Variants in FRMPD1 observed in about 807,000 individuals in gnomAD.
FRMPD1 encodes the protein FERM and PDZ domain-containing protein 1.
A neutral mutation model predicts 117.8 loss-of-function variants in FRMPD1; 76 were observed. The observed-to-expected ratio is 0.65, with a 90% CI of 0.54 to 0.78. The LOEUF is 0.78. Ranked by LOEUF, FRMPD1 falls within the 30% of genes least tolerant of loss-of-function variation. The pLI is 0.00. For synonymous variants in FRMPD1, 783 were observed against 770.4 expected, an observed-to-expected ratio of 1.02 and a Z score of -0.27; for missense variants, 1,786 against 1,964.5, an observed-to-expected ratio of 0.91 and a Z score of 1.72.
At chr9:37,616,920 T>C in the FRMPD1 span, among the ~76,000 whole-genome samples, 2 of 152,196 alleles carry the variant, frequency 1.3e-5, no homozygotes, top group Non-Finnish European at 2.9e-5. Context: ...ACAGGAAACA[T>C]AGGGTTGAAC....
intron 8 of FRMPD1, among the ~76,000 whole-genome samples, chr9:37,730,730 G>A (rs1823830819): frequency 6.6e-6 from 1 of 152,206 alleles, no homozygotes; most frequent in Admixed American, 6.5e-5. Context: ...ACTGAAAACA[G>A]GAGTTTCCTC....
At chr9:37,711,313 G>A (rs767053715) in intron 4 of FRMPD1, 37 bp from the exon 5 acceptor site, 12 of 1,436,438 alleles carry the variant, frequency 8.4e-6, no homozygotes, top group African/African-American at 1.4e-5. Context: ...CACGCAGAAC[G>A]ACTAAATGTT....
chr9:37,730,263 G>C (rs1296118715), intron 8 of FRMPD1, among the ~76,000 whole-genome samples: 1 of 152,142 alleles, frequency 6.6e-6, no homozygotes, highest in Non-Finnish European at 1.5e-5. Flanking sequence ...CCCCGATATG[G>C]TTCCTGATGG....
intron 1 of FRMPD1, among the ~76,000 whole-genome samples, chr9:37,684,081 A>C (rs1198858493): frequency 8.1e-6 from 1 of 124,124 alleles, no homozygotes; most frequent in Non-Finnish European, 1.7e-5. Context: ...TGGGGGGAAC[A>C]ACAGGTAATA....
intron 1 of FRMPD1, among the ~76,000 whole-genome samples, chr9:37,676,251 G>A (rs59823529): frequency 0.14 from 21,631 of 152,060 alleles, 1,624 homozygotes; most frequent in Middle Eastern, 0.19. Context: ...CATGCAGTAA[G>A]CATGCTTCTG....
chr9:37,725,376 A>G (rs947654614), intron 7 of FRMPD1, among the ~76,000 whole-genome samples: 1 of 152,230 alleles, frequency 6.6e-6, no homozygotes, highest in Non-Finnish European at 1.5e-5. Flanking sequence ...AGGAGGGCCA[A>G]TGCAGCTATA....
At chr9:37,725,025 A>G (rs930450107) in intron 7 of FRMPD1, among the ~76,000 whole-genome samples, 2 of 152,196 alleles carry the variant, frequency 1.3e-5, no homozygotes, top group Non-Finnish European at 2.9e-5. Context: ...GGGACAGGGC[A>G]GTTGAGGGTA....
intron 2 of FRMPD1, among the ~76,000 whole-genome samples, chr9:37,704,501 T>G (rs930982785): frequency 7.2e-5 from 11 of 152,170 alleles, no homozygotes; most frequent in African/African-American, 2.4e-4. Flanking sequence ...GCAGTGCTAG[T>G]GTGCCTATTG....
intron 4 of FRMPD1, among the ~76,000 whole-genome samples, chr9:37,708,952 T>C (rs1038563151): frequency 1.7e-4 from 26 of 152,312 alleles, no homozygotes; most frequent in African/African-American, 6.0e-4. Flanking sequence ...TTGGCATATA[T>C]GTAGTTTCAT....
the FRMPD1 span, among the ~76,000 whole-genome samples, chr9:37,629,165 C>T: frequency 6.6e-6 from 1 of 152,028 alleles, no homozygotes; most frequent in Non-Finnish European, 1.5e-5. Context: ...TGCCATTGCA[C>T]TCCAGCCTGG....
intron 1 of FRMPD1, among the ~76,000 whole-genome samples, chr9:37,677,620 G>A (rs914406556): frequency 6.6e-6 from 1 of 152,242 alleles, no homozygotes; most frequent in African/African-American, 2.4e-5. Context: ...GTTAGTGAGA[G>A]TCGGGGTTGG....
At position 37,701,510 on chromosome 9, in the gene FRMPD1, CGTGTGTGTGTGT is replaced by C. The variant is rs58458625; in HGVS notation, c.102-5885_102-5874del. On this transcript the variant is annotated intron_variant, in intron 2 of 15. Transcript: ENST00000377765. Reference sequence around the variant, plus strand: ...GTGTGCGCGCGTGTGTGTGCATGTACGTGTGTGTGTGTGTGTGTGTGTGTGTGTGTGTTTTGG... The same window carrying C: ...GTGTGCGCGCGTGTGTGTGCATGTACGTGTGTGTGTGTGTGTGTGTTTTGG... 1.9e-4 allele frequency among the ~76,000 whole-genome samples: 28 copies of C among 146,908 alleles called. No individual in the cohort carries two copies. In the East Asian group the frequency reaches 2.0e-3, roughly 10 times the overall value.
At chr9:37,604,019 G>A in the FRMPD1 span, among the ~76,000 whole-genome samples, 1 of 152,148 alleles carries the variant, frequency 6.6e-6, no homozygotes, top group Non-Finnish European at 1.5e-5. Flanking sequence ...GAAATTATCT[G>A]TAATTTAAGT....
chr9:37,630,922 C>T, the FRMPD1 span, among the ~76,000 whole-genome samples: 1 of 152,116 alleles, frequency 6.6e-6, no homozygotes, highest in South Asian at 2.1e-4. Flanking sequence ...TGGACAGTGT[C>T]GTGCATAGAA....
the FRMPD1 span, among the ~76,000 whole-genome samples, chr9:37,640,592 C>T: frequency 1.3e-5 from 2 of 152,268 alleles, no homozygotes; most frequent in East Asian, 1.9e-4. Flanking sequence ...TCTGGAAGGT[C>T]GGGCTAGGCC....
the FRMPD1 span, among the ~76,000 whole-genome samples, chr9:37,630,230 C>T: frequency 5.3e-5 from 8 of 152,148 alleles, no homozygotes; most frequent in East Asian, 1.9e-4. Flanking sequence ...CTAAGAAGCA[C>T]ACCTTTTTAA....
At chr9:37,622,930 A>T in the FRMPD1 span, among the ~76,000 whole-genome samples, 1 of 151,874 alleles carries the variant, frequency 6.6e-6, no homozygotes, top group Admixed American at 6.6e-5. Flanking sequence ...AAAAAAAAAC[A>T]AAGAGAGATG....
chr9:37,710,057 G>A (rs1822852215), intron 4 of FRMPD1, among the ~76,000 whole-genome samples: 1 of 152,112 alleles, frequency 6.6e-6, no homozygotes, highest in African/African-American at 2.4e-5. Context: ...CGTGTAAAAG[G>A]TAAAACACAA....
the FRMPD1 span, among the ~76,000 whole-genome samples, chr9:37,636,247 C>A: frequency 2.6e-5 from 4 of 152,296 alleles, no homozygotes. Flanking sequence ...CCTGGTCACA[C>A]TCCTGGCCCT....
Sources: gnomAD v4.1 joint callset for allele counts (sites outside exome capture counted in the v4.1 genomes callset) on GRCh38, gnomAD v4.1.1 for gene constraint, MANE v1.5 for transcripts, NCBI Gene and HGNC (gene_info 2026-07-23, HGNC 2026-07-21) for gene names.